RNF150: variants seen among roughly 807,000 people sequenced by gnomAD.
RNF150 encodes the protein ring finger protein 150.
A neutral mutation model predicts 39.3 loss-of-function variants in RNF150; 24 were observed. The ratio of observed to expected loss-of-function variants is 0.61; its 90% CI spans 0.44 to 0.86. The LOEUF is 0.86. Among genes scored for constraint, RNF150 ranks in the 40% least tolerant of loss-of-function variants. The probability of loss-of-function intolerance (pLI) is 0.00; values close to 1 mark genes in which losing one functional copy is unlikely to be tolerated. For synonymous variants in RNF150, 255 were observed against 227.3 expected, an observed-to-expected ratio of 1.12 and a Z score of -1.10; for missense variants, 502 against 587.8, an observed-to-expected ratio of 0.85 and a Z score of 1.51.
At chr4:141,098,884 A>G (rs1738903224) in intron 1 of RNF150, among the ~76,000 whole-genome samples, 1 of 152,158 alleles carries the variant, frequency 6.6e-6, no homozygotes, top group African/African-American at 2.4e-5. Flanking sequence ...ACCTTAGCCA[A>G]TGCAGAAAAT....
intron 6 of RNF150, among the ~76,000 whole-genome samples, chr4:140,906,500 G>T (rs1229530210): frequency 6.6e-6 from 1 of 152,126 alleles, no homozygotes; most frequent in Non-Finnish European, 1.5e-5. Context: ...GGGAAAGGGG[G>T]TATCATGGAA....
intron 1 of RNF150, among the ~76,000 whole-genome samples, chr4:141,197,593 C>A (rs1053486743): frequency 3.3e-5 from 5 of 152,042 alleles, no homozygotes; most frequent in Admixed American, 6.6e-5. Context: ...TTAGAAATGA[C>A]CTTGGCTGGG....
In RNF150 at chr4:141,083,317, A is replaced by C. The variant is rs150045756; in HGVS notation, c.484+49008T>G. Among the ~76,000 whole-genome samples, 947 of 152,354 alleles carry C rather than the reference A, an allele frequency of 6.2e-3. 6 individuals are homozygous for C. The highest frequency in any genetic ancestry group is 0.02 in the African/African-American group (818 of 41,588). On this transcript the variant is annotated intron_variant, in intron 1 of 6. Transcript: ENST00000515673. ...TTCCCCTAACAGGAAAAACATCATC[A>C]ATAACCATACTCAAAAAATAATTTG...
At chr4:140,926,133 A>G in intron 4 of RNF150, 60 bp from the exon 5 acceptor site, 7 of 1,198,798 alleles carry the variant, frequency 5.8e-6, no homozygotes, top group Non-Finnish European at 8.7e-6. Flanking sequence ...CTGGTCCACC[A>G]TGGCCCAGGG....
intron 1 of RNF150, among the ~76,000 whole-genome samples, chr4:141,100,182 T>C (rs1292871750): frequency 6.6e-6 from 1 of 152,222 alleles, no homozygotes; most frequent in Non-Finnish European, 1.5e-5. Context: ...TTTACCCAAA[T>C]GCTATTTGCC....
In RNF150 at chr4:140,967,596, A is replaced by G. The variant is rs768095202; in HGVS notation, c.735+27T>C. The G allele has an allele frequency of 4.5e-6, 7 of 1,562,074 alleles. No individual in the cohort carries two copies. In the African/African-American group the frequency reaches 6.9e-5, roughly 15 times the overall value. Reference sequence around the variant, plus strand: ...AATAACATTTTTGTAACAATTTTTAAAAGTTTTTTAACTTTTTGCTACTCA... The same window carrying G: ...AATAACATTTTTGTAACAATTTTTAGAAGTTTTTTAACTTTTTGCTACTCA... On this transcript the variant is annotated intron_variant, in intron 2 of 6. Transcript: ENST00000515673.
intron 6 of RNF150, among the ~76,000 whole-genome samples, chr4:140,884,880 T>C (rs1729505149): frequency 6.6e-6 from 1 of 152,152 alleles, no homozygotes; most frequent in Non-Finnish European, 1.5e-5. Flanking sequence ...CACCATGCTA[T>C]ACTAGAGGGG....
chr4:141,200,579 A>G (rs1313212750), intron 1 of RNF150, among the ~76,000 whole-genome samples: 4 of 151,652 alleles, frequency 2.6e-5, no homozygotes, highest in Non-Finnish European at 4.4e-5. Flanking sequence ...TTCCATCCTC[A>G]TGACCTAATT....
chr4:141,170,609 T>A (rs1348592597), intron 1 of RNF150, among the ~76,000 whole-genome samples: 1 of 152,226 alleles, frequency 6.6e-6, no homozygotes, highest in Non-Finnish European at 1.5e-5. Context: ...CTAGTTATTT[T>A]TTCTGAGATA....
At chr4:141,040,027 C>T (rs532658727) in intron 1 of RNF150, among the ~76,000 whole-genome samples, 24 of 152,098 alleles carry the variant, frequency 1.6e-4, no homozygotes, top group Non-Finnish European at 2.5e-4. Context: ...GAGAGAAGCC[C>T]GCTCCTTTTT....
At chr4:141,018,964 G>A (rs1389900007) in intron 1 of RNF150, among the ~76,000 whole-genome samples, 1 of 148,830 alleles carries the variant, frequency 6.7e-6, no homozygotes, top group East Asian at 2.0e-4. Flanking sequence ...ACATTGCTGG[G>A]GTTTATTCTT....
chr4:141,201,115 T>TAATTTC (rs1272540549), intron 1 of RNF150, among the ~76,000 whole-genome samples: 1 of 152,204 alleles, frequency 6.6e-6, no homozygotes, highest in African/African-American at 2.4e-5. Context: ...TCTTTACCAA[T>TAATTTC]AATTTCAGAG....
intron 1 of RNF150, among the ~76,000 whole-genome samples, chr4:141,080,479 G>A (rs1046332718): frequency 1.3e-5 from 2 of 152,182 alleles, no homozygotes; most frequent in African/African-American, 4.8e-5. Context: ...ATACAGTGAT[G>A]TGAGTGCTTA....
intron 3 of RNF150, among the ~76,000 whole-genome samples, chr4:140,948,382 AGTT>A (rs1231369081): frequency 2.6e-5 from 4 of 152,072 alleles, no homozygotes; most frequent in African/African-American, 9.7e-5. Flanking sequence ...TTATATATGG[AGTT>A]GTAAATCCCT....
At chr4:141,014,972 A>T (rs951426685) in intron 1 of RNF150, among the ~76,000 whole-genome samples, 1 of 151,670 alleles carries the variant, frequency 6.6e-6, no homozygotes, top group South Asian at 2.1e-4. Context: ...TTAAGTTCTT[A>T]ATCTGTTTTT....
chr4:141,113,035 A>G (rs947603977), intron 1 of RNF150, among the ~76,000 whole-genome samples: 2 of 151,962 alleles, frequency 1.3e-5, no homozygotes, highest in Admixed American at 1.3e-4. Context: ...ATACTTGAGT[A>G]TGTCTCACGA....
intron 5 of RNF150, among the ~76,000 whole-genome samples, chr4:140,915,889 A>G (rs12649305): frequency 0.55 from 83,810 of 151,878 alleles, 23,615 homozygotes; most frequent in East Asian, 0.89. Context: ...GCGGTTCACC[A>G]ATATCTGCTG....
intron 1 of RNF150, among the ~76,000 whole-genome samples, chr4:141,059,997 A>G (rs1221882163): frequency 6.6e-6 from 1 of 152,198 alleles, no homozygotes. Context: ...AAGAAATAAA[A>G]ATCTAGACTT....
chr4:141,064,623 A>AC (rs70946793), intron 1 of RNF150, among the ~76,000 whole-genome samples: 4 of 146,694 alleles, frequency 2.7e-5, no homozygotes, highest in Non-Finnish European at 6.1e-5. Context: ...AACAACAACA[A>AC]AAAATTAAAA....
Sources: gnomAD v4.1 joint callset for allele counts (sites outside exome capture counted in the v4.1 genomes callset) on GRCh38, gnomAD v4.1.1 for gene constraint, MANE v1.5 for transcripts, NCBI Gene and HGNC (gene_info 2026-07-23, HGNC 2026-07-21) for gene names.